The following DMXL2 variants were observed in gnomAD, a reference collection of about 807,000 sequenced individuals.
The protein encoded by DMXL2 is dmX-like protein 2.
DMXL2 carries 103 observed loss-of-function variants against 331.1 expected under a neutral mutation model. The ratio of observed to expected loss-of-function variants is 0.31; its 90% CI spans 0.27 to 0.37. DMXL2 has a LOEUF of 0.37. DMXL2 is among the 10% of genes least tolerant of loss of function. The probability of loss-of-function intolerance (pLI) is 1.00; values close to 1 mark genes in which losing one functional copy is unlikely to be tolerated. For missense variants in DMXL2, 3,171 were observed against 3,642.9 expected (o/e 0.87, Z 3.33); for synonymous variants, 1,281 against 1,252.1 (o/e 1.02, Z -0.49).
rs919271733 is a variant in DMXL2, at chr15:51,553,511, A to C, written c.568-6103T>G. Among the ~76,000 whole-genome samples, 7 of 152,212 alleles carry C rather than the reference A, an allele frequency of 4.6e-5. No individual in the cohort carries two copies. The East Asian group carries it at 1.3e-3, about 29-fold the overall frequency. On this transcript the variant is annotated intron_variant, in intron 6 of 43. Transcript: ENST00000560891. ...TCAAACAATATATATGTTAAAGTAC[A>C]GTTGACCCTTCAATAACATGGGTTT...
At chr15:51,575,786 T>G (rs1595582494) in intron 2 of DMXL2, among the ~76,000 whole-genome samples, 1 of 152,116 alleles carries the variant, frequency 6.6e-6, no homozygotes, top group African/African-American at 2.4e-5. Context: ...CTGCTAGAAG[T>G]ATTAACTGGC....
At chr15:51,473,463 G>A (rs969674549) in intron 28 of DMXL2, among the ~76,000 whole-genome samples, 19 of 152,182 alleles carry the variant, frequency 1.2e-4, no homozygotes, top group Non-Finnish European at 2.9e-5. Flanking sequence ...CAAGCAGCAA[G>A]AAAGAGATTC....
At chr15:51,577,270 C>T (rs1410325348) in intron 1 of DMXL2, among the ~76,000 whole-genome samples, 1 of 152,102 alleles carries the variant, frequency 6.6e-6, no homozygotes, top group African/African-American at 2.4e-5. Flanking sequence ...CATGTGATGA[C>T]ATCTGAATCA....
intron 13 of DMXL2, among the ~76,000 whole-genome samples, chr15:51,529,221 C>T (rs1210291135): frequency 6.6e-6 from 1 of 151,610 alleles, no homozygotes; most frequent in Non-Finnish European, 1.5e-5. Flanking sequence ...CAAGAGCATA[C>T]CAAACCCAAA....
intron 16 of DMXL2, among the ~76,000 whole-genome samples, chr15:51,505,144 C>G (rs563129006): frequency 6.6e-6 from 1 of 152,318 alleles, no homozygotes; most frequent in Non-Finnish European, 1.5e-5. Context: ...AATCATTTAT[C>G]CTCTAACAGG....
At chr15:51,560,357 AGT>A (rs1191189670) in intron 6 of DMXL2, among the ~76,000 whole-genome samples, 1 of 152,110 alleles carries the variant, frequency 6.6e-6, no homozygotes, top group Non-Finnish European at 1.5e-5. Flanking sequence ...AGATTGGCTG[AGT>A]GATAACTGCT....
At chr15:51,520,928 T>A (rs568316928) in intron 13 of DMXL2, among the ~76,000 whole-genome samples, 17 of 152,198 alleles carry the variant, frequency 1.1e-4, no homozygotes, top group African/African-American at 4.1e-4. Context: ...ACAAAGCAAT[T>A]CGAGTGCAGT....
intron 1 of DMXL2, among the ~76,000 whole-genome samples, chr15:51,608,556 T>C (rs973693616): frequency 1.3e-5 from 2 of 151,924 alleles, no homozygotes; most frequent in African/African-American, 4.8e-5. Flanking sequence ...TGAGTACACA[T>C]GGACACAAAG....
At chr15:51,589,840 A>T (rs2052158214) in intron 1 of DMXL2, among the ~76,000 whole-genome samples, 1 of 152,250 alleles carries the variant, frequency 6.6e-6, no homozygotes, top group South Asian at 2.1e-4. Flanking sequence ...TGATTCAGTA[A>T]ATCTCTTTTT....
At chr15:51,507,328 C>T (rs1170844279) in intron 15 of DMXL2, 75 bp from the exon 16 acceptor site, 1 of 1,383,262 alleles carries the variant, frequency 7.2e-7, no homozygotes, top group East Asian at 2.4e-5. Flanking sequence ...TAAAAGCTAC[C>T]ACCACCTCTT....
At chr15:51,603,729 G>C (rs763896440) in intron 1 of DMXL2, 1 of 151,906 alleles carries the variant, frequency 6.6e-6, no homozygotes, top group Admixed American at 6.6e-5. Flanking sequence ...TTAGCCGGGC[G>C]TGGTGGCAGG....
intron 1 of DMXL2, among the ~76,000 whole-genome samples, chr15:51,608,649 A>G (rs1342714175): frequency 6.6e-6 from 1 of 152,214 alleles, no homozygotes; most frequent in East Asian, 1.9e-4. Flanking sequence ...ATCGGGAACT[A>G]TACTTATTAC....
chr15:51,461,494 G>A (rs377335472), intron 33 of DMXL2, among the ~76,000 whole-genome samples: 1 of 152,168 alleles, frequency 6.6e-6, no homozygotes, highest in Non-Finnish European at 1.5e-5. Context: ...AAAACACTCA[G>A]AAAATTGATC....
intron 13 of DMXL2, among the ~76,000 whole-genome samples, chr15:51,519,811 T>G (rs1475481606): frequency 6.6e-6 from 1 of 151,920 alleles, no homozygotes; most frequent in Non-Finnish European, 1.5e-5. Flanking sequence ...CCTGGCTAAT[T>G]TTTGTATTTT....
intron 18 of DMXL2, 126 bp downstream of exon 18, chr15:51,498,426 T>G: frequency 1.1e-6 from 1 of 869,934 alleles, no homozygotes; most frequent in Non-Finnish European, 1.8e-6. Flanking sequence ...TAATTACCTA[T>G]TAAGGAGGTC....
At chr15:51,549,580 T>C (rs1187126760) in intron 6 of DMXL2, among the ~76,000 whole-genome samples, 1 of 152,208 alleles carries the variant, frequency 6.6e-6, no homozygotes, top group Non-Finnish European at 1.5e-5. Flanking sequence ...CCAACATCAG[T>C]GTAAAAGTGT....
At chr15:51,501,882 T>C (rs1282875115) in intron 17 of DMXL2, among the ~76,000 whole-genome samples, 1 of 143,404 alleles carries the variant, frequency 7.0e-6, no homozygotes, top group Non-Finnish European at 1.5e-5. Flanking sequence ...ATAGCACCAC[T>C]GCACTCCAGC....
chr15:51,497,864 T>C (rs1369762327), intron 18 of DMXL2, among the ~76,000 whole-genome samples: 1 of 152,194 alleles, frequency 6.6e-6, no homozygotes. Context: ...ATAAGCCTCA[T>C]GATTCCATAG....
intron 2 of DMXL2, among the ~76,000 whole-genome samples, chr15:51,574,717 A>G (rs537905830): frequency 1.2e-3 from 178 of 152,322 alleles, no homozygotes; most frequent in African/African-American, 3.6e-3. Flanking sequence ...GACAATAAAG[A>G]TATTATAATT....
Sources: allele counts gnomAD v4.1 joint callset (sites outside exome capture counted in the v4.1 genomes callset), GRCh38; gene constraint gnomAD v4.1.1; transcripts MANE v1.5; gene names NCBI Gene and HGNC (gene_info 2026-07-23, HGNC 2026-07-21).